ULK4: variants seen among roughly 807,000 people sequenced by gnomAD.
The protein encoded by ULK4 is unc-51 like kinase 4.
A neutral mutation model predicts 160.6 loss-of-function variants in ULK4; 133 were observed. The observed-to-expected ratio is 0.83, with a 90% confidence interval of 0.72 to 0.96. The LOEUF is 0.96. ULK4 is among the 40% of genes least tolerant of loss of function. The pLI, the probability that ULK4 is intolerant of heterozygous loss-of-function variation, is 0.00. For synonymous variants in ULK4, 534 were observed against 539.8 expected, an observed-to-expected ratio of 0.99 and a Z score of 0.15; for missense variants, 1,580 against 1,499.5, an observed-to-expected ratio of 1.05 and a Z score of -0.89.
chr3:41,647,361 A>T (rs954670943), intron 30 of ULK4, among the ~76,000 whole-genome samples: 13 of 152,076 alleles, frequency 8.5e-5, no homozygotes, highest in Non-Finnish European at 1.9e-4. Context: ...TGATGTACAG[A>T]TGGGTTTTTG....
At chr3:41,568,436 C>A (rs946745935) in intron 31 of ULK4, among the ~76,000 whole-genome samples, 3 of 152,178 alleles carry the variant, frequency 2.0e-5, no homozygotes, top group Non-Finnish European at 4.4e-5. Context: ...AGGATTGTTG[C>A]ATCTATGTTC....
intron 21 of ULK4, 59 bp downstream of exon 21, chr3:41,789,602 C>T (rs974589658): frequency 6.9e-7 from 1 of 1,447,346 alleles, no homozygotes; most frequent in Non-Finnish European, 9.2e-7. Flanking sequence ...TGTGGAACCA[C>T]TAAAATGCAG....
intron 32 of ULK4, among the ~76,000 whole-genome samples, chr3:41,523,753 A>C (rs1430430621): frequency 6.6e-6 from 1 of 152,176 alleles, no homozygotes; most frequent in Non-Finnish European, 1.5e-5. Flanking sequence ...TAAAATTACC[A>C]TATGATCTAG....
intron 2 of ULK4, among the ~76,000 whole-genome samples, chr3:41,951,869 A>G (rs750241504): frequency 1.3e-5 from 2 of 152,248 alleles, no homozygotes. Context: ...AAAAGGCACC[A>G]TCTTTGAGAA....
In ULK4 at chr3:41,464,464, G is replaced by A. The variant is rs578211105; in HGVS notation, c.3227-1211C>T. On this transcript the variant is annotated intron_variant, in intron 32 of 36. Coordinates refer to ENST00000301831, the MANE Select transcript of ULK4 (RefSeq NM_017886.4). ...AAACTTGAAAGTAGAATGAATTACC[G>A]TCAAAATTTCCTTATCAAATGACAA... Among the ~76,000 whole-genome samples, 123 of 152,148 alleles carry A rather than the reference G, an allele frequency of 8.1e-4. 1 individual carries two copies. The highest frequency in any genetic ancestry group is 2.7e-3 in the African/African-American group (114 of 41,512).
At chr3:41,772,826 A>G (rs1317484598) in intron 21 of ULK4, among the ~76,000 whole-genome samples, 1 of 152,220 alleles carries the variant, frequency 6.6e-6, no homozygotes, top group Non-Finnish European at 1.5e-5. Context: ...CCTCAATAAA[A>G]TACTGACAAA....
chr3:41,445,217 T>TA (rs1481083734), intron 34 of ULK4, among the ~76,000 whole-genome samples: 1 of 151,808 alleles, frequency 6.6e-6, no homozygotes, highest in Non-Finnish European at 1.5e-5. Context: ...CTCAAGGAAA[T>TA]AAAAAAGGAT....
intron 34 of ULK4, among the ~76,000 whole-genome samples, chr3:41,442,924 T>C (rs1383443226): frequency 6.6e-6 from 1 of 152,204 alleles, no homozygotes; most frequent in Non-Finnish European, 1.5e-5. Flanking sequence ...GTGCTTCTCT[T>C]CTTCTCATCA....
chr3:41,395,435 A>T (rs1319557399), intron 35 of ULK4, among the ~76,000 whole-genome samples: 1 of 152,158 alleles, frequency 6.6e-6, no homozygotes, highest in Non-Finnish European at 1.5e-5. Context: ...ACAATGGATT[A>T]TTAGCCCTAA....
chr3:41,745,137 T>C (rs2038376044), intron 22 of ULK4, among the ~76,000 whole-genome samples: 1 of 151,450 alleles, frequency 6.6e-6, no homozygotes, highest in Admixed American at 6.6e-5. Flanking sequence ...ATCAATAATC[T>C]GTTTCTGCTT....
intron 30 of ULK4, among the ~76,000 whole-genome samples, chr3:41,640,829 T>C (rs1239262447): frequency 6.6e-6 from 1 of 152,168 alleles, no homozygotes. Context: ...TTCTTTTCAA[T>C]GGTAAAAATA....
intron 29 of ULK4, among the ~76,000 whole-genome samples, chr3:41,670,226 AC>A (rs1390413036): frequency 6.6e-6 from 1 of 152,170 alleles, no homozygotes; most frequent in Non-Finnish European, 1.5e-5. Context: ...GTAAAATCTA[AC>A]TTTTGAGAAG....
intron 35 of ULK4, among the ~76,000 whole-genome samples, chr3:41,253,726 T>A (rs1348220110): frequency 2.0e-5 from 3 of 152,180 alleles, no homozygotes; most frequent in Non-Finnish European, 2.9e-5. Context: ...ATCTCCTGAA[T>A]GATTTTTAGA....
chr3:41,703,898 G>T (rs1441188740), intron 27 of ULK4, among the ~76,000 whole-genome samples: 1 of 151,830 alleles, frequency 6.6e-6, no homozygotes, highest in Non-Finnish European at 1.5e-5. Context: ...TTTGAAGGGT[G>T]GGGGCAGAGG....
chr3:41,648,755 C>T (rs72862163), intron 30 of ULK4, among the ~76,000 whole-genome samples: 212 of 152,292 alleles, frequency 1.4e-3, no homozygotes, highest in Middle Eastern at 0.01. Context: ...TGGGTAAGAA[C>T]ATCAATCTAG....
chr3:41,627,889 G>T (rs1263875761), intron 30 of ULK4, among the ~76,000 whole-genome samples: 1 of 152,184 alleles, frequency 6.6e-6, no homozygotes, highest in Non-Finnish European at 1.5e-5. Flanking sequence ...GGGCAGGCAT[G>T]ATAGAGGAGG....
chr3:41,252,933 C>T (rs1431297136), intron 35 of ULK4, among the ~76,000 whole-genome samples: 2 of 151,958 alleles, frequency 1.3e-5, no homozygotes, highest in Non-Finnish European at 2.9e-5. Flanking sequence ...TATAGGGTAA[C>T]AATAATTTGA....
chr3:41,436,664 G>A (rs1279327975), intron 34 of ULK4, among the ~76,000 whole-genome samples: 1 of 152,224 alleles, frequency 6.6e-6, no homozygotes, highest in East Asian at 1.9e-4. Flanking sequence ...TATGTTAGGG[G>A]CCAACTGCCC....
intron 30 of ULK4, among the ~76,000 whole-genome samples, chr3:41,632,445 TTC>T (rs1434624780): frequency 6.6e-6 from 1 of 152,218 alleles, no homozygotes; most frequent in Admixed American, 6.5e-5. Context: ...AAGCTAAGAT[TTC>T]TCTGTCTTCA....
Sources: allele counts gnomAD v4.1 joint callset (sites outside exome capture counted in the v4.1 genomes callset), GRCh38; gene constraint gnomAD v4.1.1; transcripts MANE v1.5; gene names NCBI Gene and HGNC (gene_info 2026-07-23, HGNC 2026-07-21).